HMGXB3: variants seen among roughly 807,000 people sequenced by gnomAD.
HMGXB3 encodes the protein HMG domain-containing protein 3.
Under a neutral mutation model 121.5 loss-of-function variants are expected in HMGXB3, and 45 were observed. That is an observed-to-expected ratio of 0.37 (90% confidence interval 0.29 to 0.47). The LOEUF (loss-of-function observed/expected upper bound fraction) is 0.47, where lower values mean the gene tolerates loss of function less well. Among genes scored for constraint, HMGXB3 ranks in the 20% least tolerant of loss-of-function variants. HMGXB3 has a pLI of 0.99. For synonymous variants in HMGXB3, 590 were observed against 624.1 expected (o/e 0.95, Z 0.81); for missense variants, 1,376 against 1,602.2 (o/e 0.86, Z 2.41).
At position 150,027,034 on chromosome 5, in the gene HMGXB3, G is replaced by T. The variant is rs1023230209; in HGVS notation, c.1651G>T (p.Val551Leu). Residue 551 changes from valine to leucine, a missense_variant, in exon 9 of 20, where the codon GTG (valine) becomes TTG (leucine). By Grantham distance (32) the Val-to-Leu change is conservative (BLOSUM62 1). Coordinates refer to ENST00000502717, the MANE Select transcript of HMGXB3 (RefSeq NM_014983.3). The part of the protein sequence containing the change: ...AFSLSDKTPS[V>L]RTCGLKPSTL... Reference sequence around the variant, plus strand: ...GGTTCTCTCAGATAAGACTCCCTCTGTGAGGACTTGTGGTCTGAAGCCAAG... The same window carrying T: ...GGTTCTCTCAGATAAGACTCCCTCTTTGAGGACTTGTGGTCTGAAGCCAAG... The T allele has an allele frequency of 6.4e-7, 1 of 1,551,718 alleles. No individual in the cohort carries two copies. Among genetic ancestry groups the T allele is most frequent in the African/African-American group, 1.4e-5 (1 of 73,176 alleles).
At chr5:150,029,552 G>T (rs566909655) in intron 9 of HMGXB3, among the ~76,000 whole-genome samples, 19 of 152,116 alleles carry the variant, frequency 1.2e-4, no homozygotes, top group Middle Eastern at 3.4e-3. Context: ...ATATACTAAA[G>T]GTTTAATGAA....
chr5:150,039,360 A>G, intron 13 of HMGXB3, among the ~76,000 whole-genome samples: 1 of 152,188 alleles, frequency 6.6e-6, no homozygotes, highest in East Asian at 1.9e-4. Flanking sequence ...ACTTACATAT[A>G]AGTATTTTAC....
Position 150,052,069 on chromosome 5 carries a change from A to T in HMGXB3, c.3756A>T (p.Val1252=), listed in dbSNP as rs1191276134. ...TCAATCGTCAGATCCATGACATTGTACAGAGCTGCCAGCCTGGTGAGGTGG... is the reference window on the plus strand; with the variant it reads ...TCAATCGTCAGATCCATGACATTGTTCAGAGCTGCCAGCCTGGTGAGGTGG... ...EIVNRQIHDI[V]QSCQPGEVVI... The change falls in exon 20 of 20, where the codon GTA becomes GTT. Residue 1252 remains valine, a synonymous_variant. Transcript: ENST00000502717. The T allele has an allele frequency of 1.9e-6, 3 of 1,551,790 alleles. No individual in the cohort carries two copies. Among genetic ancestry groups the T allele is most frequent in the Non-Finnish European group, 1.7e-6 (2 of 1,147,050 alleles).
chr5:150,049,726 TGTGGAATGGTGCTTGGGGGGCCCTGTCA>T (rs533285507), intron 18 of HMGXB3, among the ~76,000 whole-genome samples: 254 of 152,118 alleles, frequency 1.7e-3, no homozygotes, highest in African/African-American at 4.8e-3. Flanking sequence ...TACCCAGAGT[TGTGGAATGGTGCTTGGGGGGCCCTGTCA>T]GTGGAGGTGT....
intron 9 of HMGXB3, among the ~76,000 whole-genome samples, chr5:150,028,557 ATATTTTTT>A (rs11277706): frequency 0.13 from 8,119 of 64,410 alleles, 1,171 homozygotes; most frequent in African/African-American, 0.39. Context: ...ATATATATAT[ATATTTTTT>A]TTTTTTTTTT....
rs181134438 is a variant in HMGXB3, at chr5:150,052,977, G to A, written c.*785G>A. ...AAAAACTCCCTTCTATGAAGGGGAA[G>A]CAGACTGGGCCATAAGGAAACAGCA... On this transcript the variant is annotated 3_prime_UTR_variant, in exon 20 of 20. Transcript: ENST00000502717. 3 of 157,602 alleles carry A rather than the reference G, an allele frequency of 1.9e-5. No individual in the cohort carries two copies. The highest frequency in any genetic ancestry group is 4.8e-5 in the African/African-American group (2 of 41,598). 9.8% of individuals were successfully genotyped at this position (157,602 alleles called of 1,614,324 possible).
chr5:150,024,985 G>A (rs1756193341), intron 7 of HMGXB3, among the ~76,000 whole-genome samples: 1 of 152,188 alleles, frequency 6.6e-6, no homozygotes, highest in Admixed American at 6.5e-5. Flanking sequence ...CCTGGATACT[G>A]GATTTGGAAA....
At chr5:150,019,153 ATAT>A (rs1421493678) in intron 6 of HMGXB3, among the ~76,000 whole-genome samples, 4 of 151,920 alleles carry the variant, frequency 2.6e-5, no homozygotes, top group Non-Finnish European at 4.4e-5. Context: ...CAATACTATA[ATAT>A]TTTGCTTTTT....
intron 18 of HMGXB3, 91 bp from the exon 19 acceptor site, chr5:150,050,161 C>T: frequency 8.8e-7 from 1 of 1,140,620 alleles, no homozygotes; most frequent in South Asian, 1.3e-5. Flanking sequence ...GCTGATTGCT[C>T]ATCTTCCTGG....
intron 14 of HMGXB3, 129 bp from the exon 15 acceptor site, chr5:150,041,653 GGTA>G: frequency 5.9e-6 from 4 of 673,942 alleles, no homozygotes; most frequent in Non-Finnish European, 1.0e-5. Context: ...CCTCAGGGTA[GGTA>G]GTACACTGGA....
At chr5:150,003,817 G>A (rs373547717) in intron 1 of HMGXB3, among the ~76,000 whole-genome samples, 1 of 151,784 alleles carries the variant, frequency 6.6e-6, no homozygotes. Context: ...TTAGCCAGGC[G>A]TGATGACATC....
rs1455802238 is a variant in HMGXB3 at position 150,000,782 on chromosome 5, T to A, written c.-400T>A. Reference sequence around the variant, plus strand: ...ACTGCCGGTGCAGCCGCCAAACCGGTGCCTCGGTGACGACCGTGTCCCTGC... The same window carrying A: ...ACTGCCGGTGCAGCCGCCAAACCGGAGCCTCGGTGACGACCGTGTCCCTGC... On this transcript the variant is annotated 5_prime_UTR_variant, in exon 1 of 20. Transcript: ENST00000502717. 6.5e-6 allele frequency: 1 copy of A among 154,418 alleles called. No homozygotes were observed. The highest frequency in any genetic ancestry group is 1.5e-5 in the Non-Finnish European group (1 of 68,138). 9.6% of individuals were successfully genotyped at this position (154,418 alleles called of 1,614,324 possible). A position where few individuals can be genotyped will look rare whatever the true frequency, so the allele number is the denominator to read the frequency against.
Position 150,041,890 on chromosome 5 carries a change from G to C in HMGXB3, c.2651G>C (p.Cys884Ser). 1 of 1,551,764 alleles carries C rather than the reference G, an allele frequency of 6.4e-7. No homozygotes were observed. Among genetic ancestry groups the C allele is most frequent in the Non-Finnish European group, 8.7e-7 (1 of 1,146,994 alleles). ...LTVRDYNDMI[C>S]GICGVAPKVE... ...GTCCGAGACTACAATGACATGATCT[G>C]TGGCATCTGTGGTGTGGCCCCCAAA... is the stretch of plus-strand genomic sequence containing the variant. The change falls in exon 15 of 20, where the codon TGT becomes TCT. Residue 884 changes from cysteine to serine, a missense_variant. By Grantham distance (112) the Cys-to-Ser change is moderately radical (BLOSUM62 -1). Transcript: ENST00000502717.
intron 5 of HMGXB3, 104 bp downstream of exon 5, chr5:150,012,457 C>A: frequency 2.6e-6 from 2 of 775,954 alleles, no homozygotes; most frequent in Non-Finnish European, 4.4e-6. Flanking sequence ...GTTGTAGGAC[C>A]AAGAAGATTT....
At position 150,027,084 on chromosome 5, in the gene HMGXB3, C is replaced by G; in HGVS notation, c.1701C>G (p.Pro567=). The change falls in exon 9 of 20, where the codon CCC becomes CCG. Residue 567 remains proline (P), a synonymous_variant. Coordinates refer to ENST00000502717, the MANE Select transcript of HMGXB3 (RefSeq NM_014983.3). ...KPSTLKQLGQ[P]IQQPSGPGEV... ...GCACACTGAAGCAGCTGGGCCAGCC[C>G]ATTCAACAGCCATCTGGCCCTGGTG... 1 of 1,551,676 alleles carries G rather than the reference C, an allele frequency of 6.4e-7. No homozygotes were observed. Among genetic ancestry groups the G allele is most frequent in the Non-Finnish European group, 8.7e-7 (1 of 1,146,980 alleles).
At chr5:150,021,931 G>A (rs1039239985) in intron 6 of HMGXB3, 5 of 483,008 alleles carry the variant, frequency 1.0e-5, no homozygotes, top group African/African-American at 2.0e-5. Context: ...TGGCTGCAGC[G>A]GGCTTCCTGA....
intron 7 of HMGXB3, 65 bp downstream of exon 7, chr5:150,024,745 C>G (rs1756186034): frequency 7.5e-7 from 1 of 1,329,348 alleles, no homozygotes; most frequent in Non-Finnish European, 1.0e-6. Context: ...TATCTCATGT[C>G]TGTACAGCAT....
In HMGXB3 at chr5:150,012,411, T is replaced by C. The variant is rs139451220; in HGVS notation, c.909+58T>C. 87 of 1,184,166 alleles carry C rather than the reference T, an allele frequency of 7.3e-5. 1 individual carries two copies. In the East Asian group the frequency reaches 2.1e-3, roughly 28 times the overall value. The allele number at this position is 1,184,166 out of a possible 1,614,324, so 73.4% of individuals were successfully genotyped here. A position where few individuals can be genotyped will look rare whatever the true frequency, so the allele number is the denominator to read the frequency against. On this transcript the variant is annotated intron_variant, in intron 5 of 19. Coordinates refer to ENST00000502717, the MANE Select transcript of HMGXB3 (RefSeq NM_014983.3). ...TAGGGTGTCATAAGCATTTTTTTTC[T>C]AAGTAGATTTGTCTTTTTTTCTTTC...
At chr5:150,017,325 G>C (rs1755980832) in intron 5 of HMGXB3, among the ~76,000 whole-genome samples, 1 of 152,154 alleles carries the variant, frequency 6.6e-6, no homozygotes. Flanking sequence ...CATAACCTGA[G>C]AAAGGATCAG....
Sources: allele counts gnomAD v4.1 joint callset (sites outside exome capture counted in the v4.1 genomes callset), GRCh38; gene constraint gnomAD v4.1.1; transcripts MANE v1.5; gene names NCBI Gene and HGNC (gene_info 2026-07-23, HGNC 2026-07-21).